Variants in COL5A2 observed in about 807,000 individuals in gnomAD.
The protein encoded by COL5A2 is collagen alpha-2(V) chain.
COL5A2 carries 23 observed loss-of-function variants against 208.2 expected under a neutral mutation model. The observed-to-expected ratio is 0.11, with a 90% CI of 0.08 to 0.16. The LOEUF is 0.16. Among genes scored for constraint, COL5A2 ranks in the 10% least tolerant of loss-of-function variants. COL5A2 has a pLI of 1.00. For missense variants in COL5A2, 1,590 were observed against 1,956.4 expected, an observed-to-expected ratio of 0.81 and a Z score of 3.53; for synonymous variants, 625 against 628.5, an observed-to-expected ratio of 0.99 and a Z score of 0.08.
At chr2:189,346,330 C>T in the COL5A2 span, among the ~76,000 whole-genome samples, 1 of 152,126 alleles carries the variant, frequency 6.6e-6, no homozygotes, top group African/African-American at 2.4e-5. Flanking sequence ...CAAGTCATTT[C>T]AGTAATTGTA....
the COL5A2 span, among the ~76,000 whole-genome samples, chr2:189,281,994 G>A: frequency 2.6e-5 from 4 of 152,118 alleles, no homozygotes; most frequent in Non-Finnish European, 4.4e-5. Flanking sequence ...GACAAGCCTG[G>A]CTAACATGGC....
chr2:189,213,819 T>C (rs1232668891), intron 1 of COL5A2, among the ~76,000 whole-genome samples: 1 of 152,210 alleles, frequency 6.6e-6, no homozygotes, highest in Non-Finnish European at 1.5e-5. Flanking sequence ...TTTTCACAGT[T>C]CCTCTGCAGG....
At chr2:189,078,409 G>T in intron 16 of COL5A2, 107 bp downstream of exon 16, 1 of 825,460 alleles carries the variant, frequency 1.2e-6, no homozygotes, top group Non-Finnish European at 2.0e-6. Flanking sequence ...AAAAAAAAAG[G>T]TGACCAGTAC....
At chr2:189,315,978 G>A in the COL5A2 span, among the ~76,000 whole-genome samples, 195 of 152,258 alleles carry the variant, frequency 1.3e-3, 1 homozygote, top group African/African-American at 4.5e-3. Context: ...TGGCAAGGTC[G>A]TGGAGAAAAA....
chr2:189,338,618 GATA>G, the COL5A2 span, among the ~76,000 whole-genome samples: 1 of 150,740 alleles, frequency 6.6e-6, no homozygotes, highest in East Asian at 1.9e-4. Flanking sequence ...GGCTTTTTCT[GATA>G]ATAACTATAA....
intron 1 of COL5A2, among the ~76,000 whole-genome samples, chr2:189,112,102 C>T (rs1224380053): frequency 6.6e-6 from 1 of 152,120 alleles, no homozygotes; most frequent in Non-Finnish European, 1.5e-5. Flanking sequence ...AGTGATCCAC[C>T]CACCTCAGCC....
At chr2:189,300,649 C>T in the COL5A2 span, among the ~76,000 whole-genome samples, 1 of 152,192 alleles carries the variant, frequency 6.6e-6, no homozygotes, top group East Asian at 1.9e-4. Context: ...GCCCTGAAGA[C>T]TGGGTGTGTC....
the COL5A2 span, among the ~76,000 whole-genome samples, chr2:189,348,151 A>G: frequency 6.6e-6 from 1 of 152,098 alleles, no homozygotes; most frequent in Non-Finnish European, 1.5e-5. Flanking sequence ...CCTTGATTAT[A>G]CCTCTTTCAA....
At chr2:189,251,557 C>A in the COL5A2 span, among the ~76,000 whole-genome samples, 2 of 152,042 alleles carry the variant, frequency 1.3e-5, no homozygotes, top group African/African-American at 2.4e-5. Context: ...AATTCCTAGC[C>A]TCCTAACCTG....
intron 1 of COL5A2, among the ~76,000 whole-genome samples, chr2:189,148,490 G>A (rs1225622937): frequency 2.0e-5 from 3 of 152,018 alleles, no homozygotes; most frequent in South Asian, 2.1e-4. Flanking sequence ...GAAAGAGTGC[G>A]ATAGGCCAGG....
intron 1 of COL5A2, among the ~76,000 whole-genome samples, chr2:189,223,245 T>G (rs1156767765): frequency 6.6e-6 from 1 of 152,170 alleles, no homozygotes. Flanking sequence ...AATTTAACAT[T>G]TTTTTCCTCC....
intron 17 of COL5A2, 98 bp downstream of exon 17, chr2:189,075,295 T>G: frequency 1.2e-6 from 1 of 830,914 alleles, no homozygotes; most frequent in East Asian, 2.6e-5. Context: ...ATTCCAAGTG[T>G]CTGGCATGTG....
intron 1 of COL5A2, among the ~76,000 whole-genome samples, chr2:189,129,151 A>T (rs765409911): frequency 1.3e-5 from 2 of 151,900 alleles, no homozygotes; most frequent in African/African-American, 2.4e-5. Context: ...CCAAAAATAA[A>T]AAAAAAAAGA....
the COL5A2 span, among the ~76,000 whole-genome samples, chr2:189,258,453 A>G: frequency 6.6e-6 from 1 of 152,200 alleles, no homozygotes; most frequent in Non-Finnish European, 1.5e-5. Flanking sequence ...TCTTTTCTGA[A>G]TGGACATCTT....
chr2:189,270,508 T>G, the COL5A2 span, among the ~76,000 whole-genome samples: 4 of 152,190 alleles, frequency 2.6e-5, no homozygotes, highest in Non-Finnish European at 5.9e-5. Context: ...AGGAGCATGT[T>G]GTTCAGTTTT....
At position 189,064,159 on chromosome 2, in the gene COL5A2, T is replaced by A. The variant is rs567276647; in HGVS notation, c.1717-126A>T. On this transcript the variant is annotated intron_variant, in intron 25 of 53. Coordinates refer to ENST00000374866, the MANE Select transcript of COL5A2 (RefSeq NM_000393.5). The stretch of plus-strand genomic sequence containing the variant: ...ATGACATTTCTGTAAATCAAATAAA[T>A]TTTTAAGTGATGTATTGTTAAAATT... 1,148 of 776,588 alleles carry A rather than the reference T, an allele frequency of 1.5e-3. 2 individuals carry two copies. The highest frequency in any genetic ancestry group is 2.2e-3 in the Non-Finnish European group (1,026 of 466,882). 48.1% of individuals were successfully genotyped at this position (776,588 alleles called of 1,614,324 possible).
Position 189,205,676 on chromosome 2 carries a change from G to A in COL5A2, c.-42+19472C>T, listed in dbSNP as rs1397570030. Reference sequence around the variant, plus strand: ...AGATTAGTAAAGTAATTGCATATAGGACACCTGGCCCATAGTAAATGTCAG... The same window carrying A: ...AGATTAGTAAAGTAATTGCATATAGAACACCTGGCCCATAGTAAATGTCAG... On this transcript the variant is annotated intron_variant, in intron 1 of 10. Transcript: ENST00000649966. Among the ~76,000 whole-genome samples, 4 of 152,052 alleles carry A rather than the reference G, an allele frequency of 2.6e-5. 1 individual carries two copies. In the South Asian group the frequency reaches 8.3e-4, roughly 32 times the overall value.
chr2:189,364,763 A>G, the COL5A2 span, among the ~76,000 whole-genome samples: 1 of 152,224 alleles, frequency 6.6e-6, no homozygotes, highest in African/African-American at 2.4e-5. Context: ...ATAGAAGTGC[A>G]TTCTGCAAAA....
At chr2:189,257,223 C>T in the COL5A2 span, among the ~76,000 whole-genome samples, 2 of 152,098 alleles carry the variant, frequency 1.3e-5, no homozygotes, top group Non-Finnish European at 1.5e-5. Flanking sequence ...ACTTGCCATT[C>T]CAATATTTAG....
Sources: gnomAD v4.1 joint callset for allele counts (sites outside exome capture counted in the v4.1 genomes callset) on GRCh38, gnomAD v4.1.1 for gene constraint, MANE v1.5 for transcripts, NCBI Gene and HGNC (gene_info 2026-07-23, HGNC 2026-07-21) for gene names.